Variants in MAGI2 observed in about 807,000 individuals in gnomAD.
MAGI2 encodes the protein membrane-associated guanylate kinase, WW and PDZ domain-containing protein 2.
Under a neutral mutation model 133.3 loss-of-function variants are expected in MAGI2, and 35 were observed. That is an observed-to-expected ratio of 0.26 (90% confidence interval 0.20 to 0.35). MAGI2 has a LOEUF of 0.35. Among genes scored for constraint, MAGI2 ranks in the 10% least tolerant of loss-of-function variants. The pLI is 1.00. For missense variants in MAGI2, 1,636 were observed against 1,863.4 expected, an observed-to-expected ratio of 0.88 and a Z score of 2.25; for synonymous variants, 729 against 710.6, an observed-to-expected ratio of 1.03 and a Z score of -0.41.
intron 2 of MAGI2, among the ~76,000 whole-genome samples, chr7:78,875,765 A>C (rs1250012406): frequency 2.0e-5 from 3 of 152,224 alleles, no homozygotes; most frequent in African/African-American, 4.8e-5. Flanking sequence ...AAGTGAGCCT[A>C]GATTTTGGGC....
chr7:79,068,223 C>A (rs893341104), intron 1 of MAGI2, among the ~76,000 whole-genome samples: 1 of 152,152 alleles, frequency 6.6e-6, no homozygotes, highest in Non-Finnish European at 1.5e-5. Flanking sequence ...GGCTGTGAAT[C>A]CATCTGGTCC....
intron 1 of MAGI2, among the ~76,000 whole-genome samples, chr7:79,051,632 T>A (rs1812678515): frequency 6.6e-6 from 1 of 152,124 alleles, no homozygotes; most frequent in Admixed American, 6.5e-5. Flanking sequence ...GAGCACCAAG[T>A]AATTATTTAA....
chr7:79,332,635 G>T (rs1368473818), intron 1 of MAGI2, among the ~76,000 whole-genome samples: 1 of 152,106 alleles, frequency 6.6e-6, no homozygotes, highest in Non-Finnish European at 1.5e-5. Flanking sequence ...GTCATATTGG[G>T]TAGAGCAGTA....
chr7:79,088,123 G>T (rs565106603), intron 1 of MAGI2, among the ~76,000 whole-genome samples: 13 of 152,192 alleles, frequency 8.5e-5, no homozygotes, highest in African/African-American at 3.1e-4. Flanking sequence ...TCCTATCCAT[G>T]AGCATGGAAT....
At chr7:78,941,728 TCA>T (rs3068585) in intron 2 of MAGI2, among the ~76,000 whole-genome samples, 31,050 of 122,748 alleles carry the variant, frequency 0.25, 3,540 homozygotes, top group East Asian at 0.39. Context: ...GCCTATTTCA[TCA>T]CACACACACA....
At chr7:79,192,105 A>T (rs1827725284) in intron 1 of MAGI2, among the ~76,000 whole-genome samples, 1 of 151,828 alleles carries the variant, frequency 6.6e-6, no homozygotes, top group Non-Finnish European at 1.5e-5. Context: ...TCACACTCCC[A>T]CTTAAATTTG....
intron 4 of MAGI2, among the ~76,000 whole-genome samples, chr7:78,520,110 A>G (rs1337507310): frequency 6.6e-6 from 1 of 152,206 alleles, no homozygotes; most frequent in Non-Finnish European, 1.5e-5. Flanking sequence ...GTATCTAGAA[A>G]TCAATGATGC....
At chr7:78,047,417 C>A (rs934664297) in intron 21 of MAGI2, among the ~76,000 whole-genome samples, 2 of 152,236 alleles carry the variant, frequency 1.3e-5, no homozygotes, top group African/African-American at 4.8e-5. Context: ...TTTAGAAGGC[C>A]GCCGAGCCTT....
At chr7:79,392,467 T>C (rs555673231) in intron 1 of MAGI2, among the ~76,000 whole-genome samples, 1 of 152,294 alleles carries the variant, frequency 6.6e-6, no homozygotes, top group South Asian at 2.1e-4. Context: ...TAATTAACAA[T>C]CCCACCAACA....
In MAGI2 at chr7:79,105,177, C is replaced by T. The variant is rs181507766; in HGVS notation, c.302-97971G>A. Among the ~76,000 whole-genome samples, 723 of 152,292 alleles carry T rather than the reference C, an allele frequency of 4.7e-3. 1 individual carries two copies. Among genetic ancestry groups the T allele is most frequent in the Non-Finnish European group, 8.5e-3 (579 of 68,030 alleles). On this transcript the variant is annotated intron_variant, in intron 1 of 21. Coordinates refer to ENST00000354212, the MANE Select transcript of MAGI2 (RefSeq NM_012301.4). Reference sequence around the variant, plus strand: ...GAGTTTCATATTCATCACACATCTCCAAAATACTTCCCTGCTTAGTAAAAC... The same window carrying T: ...GAGTTTCATATTCATCACACATCTCTAAAATACTTCCCTGCTTAGTAAAAC...
intron 10 of MAGI2, among the ~76,000 whole-genome samples, chr7:78,212,265 G>A (rs1350630160): frequency 1.3e-5 from 2 of 152,182 alleles, no homozygotes; most frequent in Non-Finnish European, 2.9e-5. Flanking sequence ...AAACCTGCGT[G>A]TAGGCTACTT....
At chr7:78,440,322 G>A (rs535438584) in intron 6 of MAGI2, among the ~76,000 whole-genome samples, 2 of 152,212 alleles carry the variant, frequency 1.3e-5, no homozygotes, top group East Asian at 1.9e-4. Context: ...GAGGTCATAT[G>A]GCTGATGAAG....
Position 79,453,524 on chromosome 7 carries a change from G to T in MAGI2, c.-204C>A. On this transcript the variant is annotated 5_prime_UTR_variant, in exon 1 of 22. Transcript: ENST00000354212. ...GGATGAGAGGGACGGCTGGGCAGAG[G>T]TAGGAGAGCTTGGATGAGGTTGTGC... 7.2e-7 allele frequency: 1 copy of T among 1,381,528 alleles called. No homozygotes were observed. Among genetic ancestry groups the T allele is most frequent in the Non-Finnish European group, 9.3e-7 (1 of 1,072,152 alleles). 85.6% of individuals were successfully genotyped at this position (1,381,528 alleles called of 1,614,324 possible). A position where few individuals can be genotyped will look rare whatever the true frequency, so the allele number is the denominator to read the frequency against.
Position 79,047,582 on chromosome 7 carries a change from A to G in MAGI2, c.302-40376T>C, listed in dbSNP as rs569139631. On this transcript the variant is annotated intron_variant, in intron 1 of 21. Coordinates refer to ENST00000354212, the MANE Select transcript of MAGI2 (RefSeq NM_012301.4). ...TTTTATATGTGTGTTTCATGAAAGA[A>G]TTAAATTAGGGAAAAACCTCTATTG... 1.3e-3 allele frequency among the ~76,000 whole-genome samples: 198 copies of G among 152,272 alleles called. 3 individuals carry two copies. The South Asian group carries it at 0.017, about 13-fold the overall frequency.
chr7:79,066,364 T>G (rs1814332230), intron 1 of MAGI2, among the ~76,000 whole-genome samples: 2 of 152,090 alleles, frequency 1.3e-5, no homozygotes, highest in South Asian at 4.2e-4. Flanking sequence ...CATAAATGTC[T>G]TCTTTTGAGA....
chr7:78,437,609 C>T (rs1787173731), intron 6 of MAGI2, among the ~76,000 whole-genome samples: 1 of 152,114 alleles, frequency 6.6e-6, no homozygotes, highest in African/African-American at 2.4e-5. Context: ...AGAGGTAATA[C>T]CAGCACCAGA....
intron 2 of MAGI2, among the ~76,000 whole-genome samples, chr7:78,833,404 A>T (rs1333982151): frequency 6.6e-6 from 1 of 152,132 alleles, no homozygotes; most frequent in African/African-American, 2.4e-5. Context: ...GCATCAAGGG[A>T]CCAGAAGGCA....
rs548260857 is a variant in MAGI2 at position 78,906,804 on chromosome 7, A to G, written c.418+100286T>C. ...ATGGGAGCTTCATACACACACACAT[A>G]CACACATATGTATATATGTGTATGC... On this transcript the variant is annotated intron_variant, in intron 2 of 21. Transcript: ENST00000354212. 3.9e-5 allele frequency among the ~76,000 whole-genome samples: 6 copies of G among 152,310 alleles called. No individual in the cohort carries two copies. In the South Asian group the frequency reaches 1.0e-3, roughly 26 times the overall value.
chr7:78,968,720 A>G (rs2115929469), intron 2 of MAGI2, among the ~76,000 whole-genome samples: 1 of 152,188 alleles, frequency 6.6e-6, no homozygotes, highest in South Asian at 2.1e-4. Context: ...TGAGATCCCC[A>G]TACATAAAAT....
Sources: gnomAD v4.1 joint callset for allele counts (sites outside exome capture counted in the v4.1 genomes callset) on GRCh38, gnomAD v4.1.1 for gene constraint, MANE v1.5 for transcripts, NCBI Gene and HGNC (gene_info 2026-07-23, HGNC 2026-07-21) for gene names.